Variants in TBX4 observed in about 807,000 individuals in gnomAD.
The protein encoded by TBX4 is T-box transcription factor 4.
A neutral mutation model predicts 54.6 loss-of-function variants in TBX4; 13 were observed. The ratio of observed to expected loss-of-function variants is 0.24; its 90% CI spans 0.15 to 0.38. The LOEUF (loss-of-function observed/expected upper bound fraction) is 0.38. TBX4 is among the 10% of genes least tolerant of loss of function. The pLI, the probability that TBX4 is intolerant of heterozygous loss-of-function variation, is 1.00. For missense variants in TBX4, 631 were observed against 728.5 expected, an observed-to-expected ratio of 0.87 and a Z score of 1.54; for synonymous variants, 314 against 306.7, an observed-to-expected ratio of 1.02 and a Z score of -0.25.
chr17:61,483,443 TCTC>T lies in TBX4; in HGVS notation c.1571_1573del (p.Ser524del), dbSNP rs747908174. 1.2e-6 allele frequency: 2 copies of T among 1,614,040 alleles called. No homozygotes were observed. The highest frequency in any genetic ancestry group is 2.7e-5 in the African/African-American group (2 of 74,924). On this transcript the variant is annotated inframe_deletion, in exon 9 of 9. Transcript: ENST00000644296. The surrounding 1 kb of genome is among the most constrained non-coding windows in gnomAD (Gnocchi z 6.6). ...AATGAGTTTCTCTACTCTCAAACCT[TCTC>T]CTTGTCCCGAGAATCTTCCTTACAG...
Position 61,483,579 on chromosome 17 carries a change from C to T in TBX4, c.*63C>T. 1 of 1,601,366 alleles carries T rather than the reference C, an allele frequency of 6.2e-7. No homozygotes were observed. Among genetic ancestry groups the T allele is most frequent in the South Asian group, 1.1e-5 (1 of 90,124 alleles). On this transcript the variant is annotated 3_prime_UTR_variant, in exon 9 of 9. Transcript: ENST00000644296. The surrounding 1 kb of genome is among the most constrained non-coding windows in gnomAD (Gnocchi z 6.6). ...TCCAGTATTAACCTCTGTGGGTGGC[C>T]TGCACTCTACCAAGAAACACAGGAA...
At chr17:61,473,196 C>G (rs2143840670) in intron 5 of TBX4, among the ~76,000 whole-genome samples, 1 of 152,054 alleles carries the variant, frequency 6.6e-6, no homozygotes, top group Non-Finnish European at 1.5e-5. Context: ...TTGAAATGGC[C>G]CTGCACGTTT....
rs2060660767 is a variant in TBX4 at position 61,481,147 on chromosome 17, G to A, written c.1021+828G>A. ...AACTCAATGACCTAGAGCACGGGTT[G>A]GCAAACTGTGGCCTTCGGACCTAAC... On this transcript the variant is annotated intron_variant, in intron 8 of 8. Transcript: ENST00000644296. The surrounding 1 kb of genome is among the most constrained non-coding windows in gnomAD (Gnocchi z 4.8). 6.6e-6 allele frequency among the ~76,000 whole-genome samples: 1 copy of A among 152,132 alleles called. No homozygotes were observed. The highest frequency in any genetic ancestry group is 1.5e-5 in the Non-Finnish European group (1 of 68,040).
Position 61,465,719 on chromosome 17 carries a change from G to GTT in TBX4, c.282-100_282-99insTT, listed in dbSNP as rs1229393989. ...CCAATGCCAGGATCGCTGGCCAAAA[G>GTT]GGCAGCATCTGTTAGCGGCCTTCTG... On this transcript the variant is annotated intron_variant, in intron 3 of 8. Transcript: ENST00000644296. This position sits in a 1 kb window ranked among gnomAD's most constrained non-coding sequence, Gnocchi z 4.9. 1.6e-3 allele frequency: 2,405 copies of GTT among 1,513,046 alleles called. 79 individuals are homozygous for GTT. The African/African-American group carries it at 0.033, about 21-fold the overall frequency. 93.7% of individuals were successfully genotyped at this position (1,513,046 alleles called of 1,614,324 possible). A position where few individuals can be genotyped will look rare whatever the true frequency, so the allele number is the denominator to read the frequency against.
chr17:61,457,463 G>T lies in TBX4; in HGVS notation c.187-74G>T, dbSNP rs1569032493. ...GGGTTCCGCACAGCTCTTCGGGTCT[G>T]GTTCTTCTTTCCTCAGGCTCCGCGT... On this transcript the variant is annotated intron_variant, in intron 2 of 8. Coordinates refer to ENST00000644296, the MANE Select transcript of TBX4 (RefSeq NM_001321120.2). This position sits in a 1 kb window ranked among gnomAD's most constrained non-coding sequence, Gnocchi z 8.2. The T allele has an allele frequency of 2.8e-6, 4 of 1,436,882 alleles. No individual in the cohort carries two copies. Among genetic ancestry groups the T allele is most frequent in the African/African-American group, 2.8e-5 (2 of 71,506 alleles). 89.0% of individuals were successfully genotyped at this position (1,436,882 alleles called of 1,614,324 possible). A position where few individuals can be genotyped will look rare whatever the true frequency, so the allele number is the denominator to read the frequency against.
chr17:61,483,311 C>G lies in TBX4; in HGVS notation c.1436C>G (p.Ser479Cys). ...CACTTTAGTGTCTACAATCAGCTCT[C>G]CCAGTCTCAGGTCCGAGAGCGGGGG... ...NAHFSVYNQL[S>C]QSQVRERGPS... Residue 479 changes from serine to cysteine, a missense_variant, in exon 9 of 9, where the codon TCC becomes TGC. Coordinates refer to ENST00000644296, the MANE Select transcript of TBX4 (RefSeq NM_001321120.2). This position sits in a 1 kb window ranked among gnomAD's most constrained non-coding sequence, Gnocchi z 6.6. The G allele has an allele frequency of 6.2e-7, 1 of 1,611,970 alleles. No homozygotes were observed. Among genetic ancestry groups the G allele is most frequent in the Non-Finnish European group, 8.5e-7 (1 of 1,178,126 alleles).
At position 61,483,200 on chromosome 17, in the gene TBX4, C is replaced by T; in HGVS notation, c.1325C>T (p.Pro442Leu). 6.2e-7 allele frequency: 1 copy of T among 1,614,154 alleles called. No homozygotes were observed. ...VQTMETVPYQ[P>L]FPTHFTATTM... Reference sequence around the variant, plus strand: ...ACGATGGAGACTGTGCCGTACCAGCCCTTCCCCACGCACTTCACCGCCACC... The same window carrying T: ...ACGATGGAGACTGTGCCGTACCAGCTCTTCCCCACGCACTTCACCGCCACC... Residue 442 changes from proline (P) to leucine (L), a missense_variant, in exon 9 of 9, where the codon CCC becomes CTC. Around this residue, in one of 3 missense-constraint regions of TBX4, gnomAD observed 354 missense variants for 368.9 expected, o/e 0.96. Coordinates refer to ENST00000644296, the MANE Select transcript of TBX4 (RefSeq NM_001321120.2). The surrounding 1 kb of genome is among the most constrained non-coding windows in gnomAD (Gnocchi z 6.6).
Position 61,472,154 on chromosome 17 carries a change from A to G in TBX4, c.549+4497A>G, listed in dbSNP as rs2060584699. ...TTTGCTCTTCTGATTAAGCTTGTAC[A>G]TATGCCATTTTATGCTGTGCCAAGT... On this transcript the variant is annotated intron_variant, in intron 5 of 8. Coordinates refer to ENST00000644296, the MANE Select transcript of TBX4 (RefSeq NM_001321120.2). The surrounding 1 kb of genome is among the most constrained non-coding windows in gnomAD (Gnocchi z 4.5). 1.3e-5 allele frequency among the ~76,000 whole-genome samples: 2 copies of G among 152,176 alleles called. No homozygotes were observed. The highest frequency in any genetic ancestry group is 4.8e-5 in the African/African-American group (2 of 41,448).
In TBX4 at chr17:61,482,906, C is replaced by A. The variant is rs139626296; in HGVS notation, c.1031C>A (p.Thr344Asn). The A allele has an allele frequency of 7.4e-6, 12 of 1,613,646 alleles. No homozygotes were observed. Among genetic ancestry groups the A allele is most frequent in the Non-Finnish European group, 9.3e-6 (11 of 1,179,864 alleles). The part of the protein sequence containing the change: ...YHCLKRRADG[T>N]RHLDLPCKRS... ...TTACTTTGTCTTTCAGCAGACGGTACCCGCCACCTGGACTTACCTTGCAAG... is the reference window on the plus strand; with the variant it reads ...TTACTTTGTCTTTCAGCAGACGGTAACCGCCACCTGGACTTACCTTGCAAG... The change falls in exon 9 of 9, where the codon ACC becomes AAC. Residue 344 changes from threonine (T) to asparagine (N), a missense_variant. Transcript: ENST00000644296.
chr17:61,464,903 C>T lies in TBX4; in HGVS notation c.282-916C>T, dbSNP rs1419633136. ...CAAACTTTCTGGGTTTTGGTGAATC[C>T]ATTTTCACAGAAGTAGGTCATACCA... On this transcript the variant is annotated intron_variant, in intron 3 of 8. Transcript: ENST00000644296. This position sits in a 1 kb window ranked among gnomAD's most constrained non-coding sequence, Gnocchi z 5.8. Among the ~76,000 whole-genome samples, 1 of 152,182 alleles carries T rather than the reference C, an allele frequency of 6.6e-6. No individual in the cohort carries two copies. Among genetic ancestry groups the T allele is most frequent in the Non-Finnish European group, 1.5e-5 (1 of 68,036 alleles).
chr17:61,478,949 A>G lies in TBX4; in HGVS notation c.702+170A>G, dbSNP rs577766558. ...CTCGGAGCCGCGAGCAAATCGAATGATGAACAGAAAAGGACCCTAGATATG... is the reference window on the plus strand; with the variant it reads ...CTCGGAGCCGCGAGCAAATCGAATGGTGAACAGAAAAGGACCCTAGATATG... On this transcript the variant is annotated intron_variant, in intron 6 of 8. Coordinates refer to ENST00000644296, the MANE Select transcript of TBX4 (RefSeq NM_001321120.2). The surrounding 1 kb of genome is among the most constrained non-coding windows in gnomAD (Gnocchi z 7.4). Among the ~76,000 whole-genome samples the G allele has an allele frequency of 6.6e-5, 10 of 152,346 alleles. No individual in the cohort carries two copies. Among genetic ancestry groups the G allele is most frequent in the Admixed American group, 2.6e-4 (4 of 15,306 alleles).
Position 61,459,743 on chromosome 17 carries a change from A to C in TBX4, c.281+2112A>C, listed in dbSNP as rs773999952. On this transcript the variant is annotated intron_variant, in intron 3 of 8. Coordinates refer to ENST00000644296, the MANE Select transcript of TBX4 (RefSeq NM_001321120.2). This position sits in a 1 kb window ranked among gnomAD's most constrained non-coding sequence, Gnocchi z 4.8. ...TAATATTTCTAAAATGGCTGTGATG[A>C]TGTTGGCCAATTATGGATCCATCAC... Among the ~76,000 whole-genome samples the C allele has an allele frequency of 2.6e-5, 4 of 152,144 alleles. No individual in the cohort carries two copies. The highest frequency in any genetic ancestry group is 4.4e-5 in the Non-Finnish European group (3 of 68,048).
At chr17:61,467,938 T>C (rs2060547829) in intron 5 of TBX4, among the ~76,000 whole-genome samples, 1 of 152,192 alleles carries the variant, frequency 6.6e-6, no homozygotes, top group Non-Finnish European at 1.5e-5. Context: ...GTACCTTTCA[T>C]GGCTGTGAGA....
chr17:61,452,958 C>G (rs1224621129), intron 1 of TBX4: 21 of 985,230 alleles, frequency 2.1e-5, no homozygotes, highest in Non-Finnish European at 2.5e-5. Flanking sequence ...AAGAGGGCCC[C>G]GGTACTGGAG....
Position 61,479,061 on chromosome 17 carries a change from T to C in TBX4, c.702+282T>C, listed in dbSNP as rs559978754. Among the ~76,000 whole-genome samples, 4 of 152,360 alleles carry C rather than the reference T, an allele frequency of 2.6e-5. No individual in the cohort carries two copies. The highest frequency in any genetic ancestry group is 6.5e-5 in the Admixed American group (1 of 15,312). On this transcript the variant is annotated intron_variant, in intron 6 of 8. Coordinates refer to ENST00000644296, the MANE Select transcript of TBX4 (RefSeq NM_001321120.2). The surrounding 1 kb of genome is among the most constrained non-coding windows in gnomAD (Gnocchi z 6.1). ...CTGTAAAAACCAGGAGCTTGGAGTCTGCCTTGTGGTTTGAGCATTGGGCCC... is the reference window on the plus strand; with the variant it reads ...CTGTAAAAACCAGGAGCTTGGAGTCCGCCTTGTGGTTTGAGCATTGGGCCC...
At chr17:61,456,082 C>G (rs2060445949) in intron 1 of TBX4, among the ~76,000 whole-genome samples, 1 of 152,142 alleles carries the variant, frequency 6.6e-6, no homozygotes, top group South Asian at 2.1e-4. Context: ...CCTGGCTGTC[C>G]TGGGCCCACA....
rs546712054 is a variant in TBX4, at chr17:61,457,296, C to T, written c.187-241C>T. On this transcript the variant is annotated intron_variant, in intron 2 of 8. Transcript: ENST00000644296. This position sits in a 1 kb window ranked among gnomAD's most constrained non-coding sequence, Gnocchi z 8.2. ...AGTGTCGTCTAACCTGCGCTGGCCACTATGTGTGTCCTCTGAGGGTTCCTC... is the reference window on the plus strand; with the variant it reads ...AGTGTCGTCTAACCTGCGCTGGCCATTATGTGTGTCCTCTGAGGGTTCCTC... Among the ~76,000 whole-genome samples, 3 of 152,304 alleles carry T rather than the reference C, an allele frequency of 2.0e-5. No individual in the cohort carries two copies. In the East Asian group the frequency reaches 5.8e-4, roughly 29 times the overall value.
At chr17:61,455,913 G>C (rs1257109606) in intron 1 of TBX4, among the ~76,000 whole-genome samples, 1 of 152,180 alleles carries the variant, frequency 6.6e-6, no homozygotes, top group East Asian at 1.9e-4. Context: ...TTTGGTTCAG[G>C]AAGTCTCTAC....
chr17:61,482,832 A>T, intron 8 of TBX4, 65 bp from the exon 9 acceptor site: 2 of 1,598,322 alleles, frequency 1.3e-6, no homozygotes, highest in South Asian at 2.2e-5. Context: ...CCCAGCATCC[A>T]ACAGGGTGCT....
Sources: gnomAD v4.1 joint callset for allele counts (sites outside exome capture counted in the v4.1 genomes callset) on GRCh38, gnomAD v4.1.1 for gene constraint, gnomAD v4.1.1 regional missense constraint, Gnocchi (gnomAD v3.1) non-coding constraint, MANE v1.5 for transcripts, NCBI Gene and HGNC (gene_info 2026-07-23, HGNC 2026-07-21) for gene names.